Variants in SLC20A2 observed in about 807,000 individuals in gnomAD.
SLC20A2 encodes the protein solute carrier family 20 member 2.
A neutral mutation model predicts 61.0 loss-of-function variants in SLC20A2; 30 were observed. The observed-to-expected ratio is 0.49, with a 90% confidence interval of 0.37 to 0.67. The LOEUF is 0.67. Among genes scored for constraint, SLC20A2 ranks in the 30% least tolerant of loss-of-function variants. The pLI is 0.00. For synonymous variants in SLC20A2, 351 were observed against 353.3 expected (o/e 0.99, Z 0.07); for missense variants, 626 against 866.4 (o/e 0.72, Z 3.48).
chr8:42,510,325 A>C (rs1810958541), intron 1 of SLC20A2, among the ~76,000 whole-genome samples: 1 of 152,232 alleles, frequency 6.6e-6, no homozygotes, highest in African/African-American at 2.4e-5. Flanking sequence ...AGGTATCACC[A>C]AGGTAAACTC....
intron 1 of SLC20A2, among the ~76,000 whole-genome samples, chr8:42,491,000 C>G (rs1470845536): frequency 6.6e-6 from 1 of 152,108 alleles, no homozygotes; most frequent in East Asian, 1.9e-4. Flanking sequence ...TAAAAACAAA[C>G]AAGCAAACAA....
chr8:42,449,458 C>T (rs1039260622), intron 5 of SLC20A2, among the ~76,000 whole-genome samples: 8 of 152,208 alleles, frequency 5.3e-5, no homozygotes, highest in Admixed American at 1.3e-4. Flanking sequence ...ATACATAGAA[C>T]TTTTTATACG....
chr8:42,482,381 C>T (rs1808611846), intron 1 of SLC20A2, among the ~76,000 whole-genome samples: 1 of 151,996 alleles, frequency 6.6e-6, no homozygotes, highest in South Asian at 2.1e-4. Flanking sequence ...AGAAAAAAGA[C>T]TGTTATTTAG....
chr8:42,419,749 A>G (rs1413108400), intron 10 of SLC20A2: 19 of 877,632 alleles, frequency 2.2e-5, no homozygotes, highest in Non-Finnish European at 2.5e-5. Flanking sequence ...TCAGCACATG[A>G]TATCATGTAA....
intron 1 of SLC20A2, among the ~76,000 whole-genome samples, chr8:42,512,131 G>A (rs1019215509): frequency 1.3e-5 from 2 of 152,006 alleles, no homozygotes; most frequent in African/African-American, 4.8e-5. Flanking sequence ...TTTAAGAGTT[G>A]GTTTCTTCTT....
At chr8:42,476,996 C>CA (rs1808165422) in intron 1 of SLC20A2, among the ~76,000 whole-genome samples, 2 of 152,086 alleles carry the variant, frequency 1.3e-5, no homozygotes, top group South Asian at 2.1e-4. Flanking sequence ...ACGCAAAGGC[C>CA]AAAGCTCAAT....
chr8:42,492,834 C>T (rs1055073162), intron 1 of SLC20A2, among the ~76,000 whole-genome samples: 2 of 152,080 alleles, frequency 1.3e-5, no homozygotes, highest in Admixed American at 6.6e-5. Context: ...CCTGTCACCA[C>T]GTGCCCGGCT....
At chr8:42,518,911 C>A (rs560652484) in intron 1 of SLC20A2, among the ~76,000 whole-genome samples, 1 of 152,292 alleles carries the variant, frequency 6.6e-6, no homozygotes, top group Non-Finnish European at 1.5e-5. Context: ...AAAGCTGTGA[C>A]CTGAAGTTTA....
At position 42,439,459 on chromosome 8, in the gene SLC20A2, C is replaced by A; in HGVS notation, c.925G>T (p.Ala309Ser). The A allele has an allele frequency of 6.2e-7, 1 of 1,613,342 alleles. No individual in the cohort carries two copies. The change falls in exon 7 of 11, where the codon GCT becomes TCT. Residue 309 changes from alanine (A) to serine (S), a missense_variant. Physicochemically the swap from Ala to Ser is moderately conservative, Grantham distance 99 (BLOSUM62 1). Around this residue, in one of 3 missense-constraint regions of SLC20A2, gnomAD observed 361 missense variants for 422.3 expected, o/e 0.85. Coordinates refer to ENST00000520262, the MANE Select transcript of SLC20A2 (RefSeq NM_001257180.2). ...TCCAGGCACATCTTACCGTATGCAGCCCGAGGGTGGCTGCCCGCAGAAGTG... is the reference window on the plus strand; with the variant it reads ...TCCAGGCACATCTTACCGTATGCAGACCGAGGGTGGCTGCCCGCAGAAGTG... ...EGTSAGSHPRAAYGRALSMTH... is the reference protein window; with the variant it reads ...EGTSAGSHPRSAYGRALSMTH...
At chr8:42,420,000 C>T (rs1024145810) in intron 10 of SLC20A2, among the ~76,000 whole-genome samples, 1 of 152,142 alleles carries the variant, frequency 6.6e-6, no homozygotes, top group East Asian at 1.9e-4. Context: ...TGCTGGCTAA[C>T]AGGGTGAAAC....
rs1405181814 is a variant in SLC20A2, at chr8:42,520,974, G to A, written c.-265+20847C>T. On this transcript the variant is annotated intron_variant, in intron 1 of 10. Coordinates refer to the SLC20A2 transcript ENST00000342228. The stretch of plus-strand genomic sequence containing the variant: ...ACAGAAAGATATTTTAAAACAAGGT[G>A]CAATGTATATTATTTATAATGGTTG... Among the ~76,000 whole-genome samples, 5 of 120,972 alleles carry A rather than the reference G, an allele frequency of 4.1e-5. 2 individuals carry two copies. In the South Asian group the frequency reaches 1.5e-3, roughly 35 times the overall value. 79.4% of individuals were successfully genotyped at this position (120,972 alleles called of 152,430 possible).
At chr8:42,470,519 A>C (rs1406715635) in intron 2 of SLC20A2, among the ~76,000 whole-genome samples, 3 of 152,194 alleles carry the variant, frequency 2.0e-5, no homozygotes, top group Admixed American at 6.5e-5. Flanking sequence ...CAAAGCGTCA[A>C]GCTGAGAAGT....
At chr8:42,511,385 T>G (rs1289686861) in intron 1 of SLC20A2, among the ~76,000 whole-genome samples, 1 of 152,074 alleles carries the variant, frequency 6.6e-6, no homozygotes, top group Non-Finnish European at 1.5e-5. Flanking sequence ...TCCCAGCACT[T>G]TGGGAGGCCA....
rs1586024598 is a variant in SLC20A2 at position 42,437,341 on chromosome 8, C to T, written c.1171G>A (p.Ala391Thr). Residue 391 changes from alanine to threonine, a missense_variant, in exon 8 of 11, where the codon GCA becomes ACA. Physicochemically the swap from Ala to Thr is moderately conservative, Grantham distance 58. This residue lies in a region of SLC20A2 where 361 missense variants were observed against 422.3 expected (regional missense o/e 0.85). Coordinates refer to ENST00000520262, the MANE Select transcript of SLC20A2 (RefSeq NM_001257180.2). This position sits in a 1 kb window ranked among gnomAD's most constrained non-coding sequence, Gnocchi z 6.4. The stretch of plus-strand genomic sequence containing the variant: ...TGCACTGGCAGCCCACAAATGGCTG[C>T]GGTGTAGCAGGTGTAACTGTTGTTT... ...RRNNSYTCYT[A>T]AICGLPVHAT... The T allele has an allele frequency of 6.2e-7, 1 of 1,614,130 alleles. No homozygotes were observed. The highest frequency in any genetic ancestry group is 8.5e-7 in the Non-Finnish European group (1 of 1,180,000).
At chr8:42,527,298 G>A (rs951875874) in intron 1 of SLC20A2, among the ~76,000 whole-genome samples, 1 of 151,764 alleles carries the variant, frequency 6.6e-6, no homozygotes, top group Non-Finnish European at 1.5e-5. Context: ...CAGCTACTGG[G>A]GAGGCTGAGC....
Position 42,501,106 on chromosome 8 carries a change from A to G in SLC20A2, c.-340T>C, listed in dbSNP as rs908133335. ...TGATCACAAACACAATCTGAAGTCT[A>G]AAATAGATATCCTACCACATTAGGC... On this transcript the variant is annotated 5_prime_UTR_variant, in exon 1 of 11. Coordinates refer to ENST00000520262, the MANE Select transcript of SLC20A2 (RefSeq NM_001257180.2). 2 of 152,210 alleles carry G rather than the reference A, an allele frequency of 1.3e-5. No homozygotes were observed. The highest frequency in any genetic ancestry group is 2.9e-5 in the Non-Finnish European group (2 of 68,040). The allele number at this position is 152,210 out of a possible 1,614,324, so 9.4% of individuals were successfully genotyped here. A position where few individuals can be genotyped will look rare whatever the true frequency, so the allele number is the denominator to read the frequency against.
At chr8:42,445,896 A>G (rs1049862278) in intron 5 of SLC20A2, among the ~76,000 whole-genome samples, 1 of 152,238 alleles carries the variant, frequency 6.6e-6, no homozygotes, top group African/African-American at 2.4e-5. Context: ...CCTACTTTAA[A>G]CGGACATGTG....
chr8:42,428,318 C>A (rs566337274), intron 10 of SLC20A2, among the ~76,000 whole-genome samples: 1 of 152,378 alleles, frequency 6.6e-6, no homozygotes, highest in East Asian at 1.9e-4. Context: ...ATATAAGGAA[C>A]AAAACCAGAA....
Position 42,478,027 on chromosome 8 carries a change from A to G in SLC20A2, c.-264-5373T>C, listed in dbSNP as rs1808264332. Reference sequence around the variant, plus strand: ...CAGCCTCCCGAGTAGCTGGGACTACAGGTGCACACCACCACACCCAGCTAA... The same window carrying G: ...CAGCCTCCCGAGTAGCTGGGACTACGGGTGCACACCACCACACCCAGCTAA... On this transcript the variant is annotated intron_variant, in intron 1 of 10. Transcript: ENST00000520262. Among the ~76,000 whole-genome samples, 3 of 151,718 alleles carry G rather than the reference A, an allele frequency of 2.0e-5. 1 individual carries two copies. Among genetic ancestry groups the G allele is most frequent in the Admixed American group, 2.0e-4 (3 of 15,212 alleles).
Sources: gnomAD v4.1 joint callset for allele counts (sites outside exome capture counted in the v4.1 genomes callset) on GRCh38, gnomAD v4.1.1 for gene constraint, gnomAD v4.1.1 regional missense constraint, Gnocchi (gnomAD v3.1) non-coding constraint, MANE v1.5 for transcripts, NCBI Gene and HGNC (gene_info 2026-07-23, HGNC 2026-07-21) for gene names.